The following YWHAQ variants were observed in gnomAD, a reference collection of about 807,000 sequenced individuals.
YWHAQ encodes the protein 14-3-3 protein theta.
YWHAQ carries 6 observed loss-of-function variants against 28.3 expected under a neutral mutation model. That is an observed-to-expected ratio of 0.21 (90% CI 0.12 to 0.42). The LOEUF is 0.42. Among genes scored for constraint, YWHAQ ranks in the 10% least tolerant of loss-of-function variants. The pLI is 1.00. For missense variants in YWHAQ, 201 were observed against 305.6 expected, an observed-to-expected ratio of 0.66 and a Z score of 2.55; for synonymous variants, 143 against 119.1, an observed-to-expected ratio of 1.20 and a Z score of -1.31.
At position 9,602,873 on chromosome 2, in the gene YWHAQ, A is replaced by G. The variant is rs1398957865; in HGVS notation, c.295-11358T>C. On this transcript the variant is annotated intron_variant, in intron 2 of 5. Transcript: ENST00000238081. ...AAAAAAAAAAAAAAAATATATATAT[A>G]TATATATATATATATATATATATAT... Among the ~76,000 whole-genome samples the G allele has an allele frequency of 3.0e-4, 6 of 19,814 alleles. No homozygotes were observed. In the South Asian group the frequency reaches 0.011, roughly 36 times the overall value. 13.0% of individuals were successfully genotyped at this position (19,814 alleles called of 152,430 possible).
rs191089259 is a variant in YWHAQ, at chr2:9,618,575, C to T, written c.294+11584G>A. 1.6e-3 allele frequency among the ~76,000 whole-genome samples: 240 copies of T among 152,142 alleles called. 2 individuals carry two copies. The highest frequency in any genetic ancestry group is 5.5e-3 in the African/African-American group (230 of 41,504). ...AGGCTTGAGTGAAGTGGCAGGAAGACGGATCACTGCAGCCTAAACCTCCTG... is the reference window on the plus strand; with the variant it reads ...AGGCTTGAGTGAAGTGGCAGGAAGATGGATCACTGCAGCCTAAACCTCCTG... On this transcript the variant is annotated intron_variant, in intron 2 of 5. Transcript: ENST00000238081.
chr2:9,624,570 T>G (rs1277016664), intron 2 of YWHAQ, among the ~76,000 whole-genome samples: 4 of 152,026 alleles, frequency 2.6e-5, no homozygotes, highest in Admixed American at 1.3e-4. Flanking sequence ...CACCGCATGA[T>G]GTTTAGTAGC....
At chr2:9,585,887 T>C (rs1190923561) in intron 5 of YWHAQ, among the ~76,000 whole-genome samples, 1 of 139,886 alleles carries the variant, frequency 7.1e-6, no homozygotes, top group Non-Finnish European at 1.5e-5. Flanking sequence ...CACTCCAGCC[T>C]AGGCAACAGG....
intron 2 of YWHAQ, among the ~76,000 whole-genome samples, chr2:9,611,920 T>C (rs753168446): frequency 3.3e-5 from 5 of 152,228 alleles, no homozygotes; most frequent in Non-Finnish European, 7.3e-5. Flanking sequence ...CTACCCGCCT[T>C]GGCCTCCCAA....
intron 2 of YWHAQ, among the ~76,000 whole-genome samples, chr2:9,595,072 T>A (rs1666543780): frequency 6.6e-6 from 1 of 152,204 alleles, no homozygotes; most frequent in Non-Finnish European, 1.5e-5. Context: ...GACTTGGGCA[T>A]TACTTCCATC....
chr2:9,628,487 C>G (rs934114113), intron 2 of YWHAQ, among the ~76,000 whole-genome samples: 2 of 150,690 alleles, frequency 1.3e-5, no homozygotes, highest in African/African-American at 4.8e-5. Context: ...TCACCTTGCT[C>G]GAGAACAAGA....
At chr2:9,604,003 C>CT (rs1479393915) in intron 2 of YWHAQ, among the ~76,000 whole-genome samples, 1 of 152,116 alleles carries the variant, frequency 6.6e-6, no homozygotes, top group Non-Finnish European at 1.5e-5. Flanking sequence ...GATAGCTCCT[C>CT]TAAGTTTTTT....
chr2:9,588,336 G>C lies in YWHAQ; in HGVS notation c.419-8C>G, dbSNP rs1010382306. 4 of 1,602,622 alleles carry C rather than the reference G, an allele frequency of 2.5e-6. No individual in the cohort carries two copies. Among genetic ancestry groups the C allele is most frequent in the African/African-American group, 1.4e-5 (1 of 73,886 alleles). ...GGGAATTATCTATCGTTTCTGTGAA[G>C]AGCGAAAAATAAGAAGTGCAATATT... On this transcript the variant is annotated splice_polypyrimidine_tract_variant and splice_region_variant and intron_variant, in intron 3 of 5. Transcript: ENST00000238081.
At chr2:9,604,117 C>T (rs1212648060) in intron 2 of YWHAQ, among the ~76,000 whole-genome samples, 3 of 152,102 alleles carry the variant, frequency 2.0e-5, no homozygotes, top group Admixed American at 6.5e-5. Flanking sequence ...CAGTGCTACG[C>T]TCCCCACCTG....
rs566288753 is a variant in YWHAQ, at chr2:9,613,190, C to T, written c.294+16969G>A. 3.9e-5 allele frequency among the ~76,000 whole-genome samples: 6 copies of T among 152,238 alleles called. No individual in the cohort carries two copies. The East Asian group carries it at 1.2e-3, about 29-fold the overall frequency. ...TGTTATTGGGCCTTCATATGGAGCA[C>T]TCATTAATGTGAATTTGCTTTTCTG... On this transcript the variant is annotated intron_variant, in intron 2 of 5. Coordinates refer to ENST00000238081, the MANE Select transcript of YWHAQ (RefSeq NM_006826.4).
At chr2:9,619,836 G>C (rs1413888170) in intron 2 of YWHAQ, among the ~76,000 whole-genome samples, 1 of 152,196 alleles carries the variant, frequency 6.6e-6, no homozygotes, top group Non-Finnish European at 1.5e-5. Context: ...ACAGTACCAG[G>C]CTGAAAGATC....
intron 2 of YWHAQ, among the ~76,000 whole-genome samples, chr2:9,606,628 C>A (rs1666835627): frequency 6.6e-6 from 1 of 152,138 alleles, no homozygotes; most frequent in African/African-American, 2.4e-5. Context: ...CACTCAGGTT[C>A]ACGCCATTAT....
chr2:9,600,978 G>C lies in YWHAQ; in HGVS notation c.295-9463C>G, dbSNP rs554643328. On this transcript the variant is annotated intron_variant, in intron 2 of 5. Coordinates refer to ENST00000238081, the MANE Select transcript of YWHAQ (RefSeq NM_006826.4). ...GCTATTGTGCACTTAACAGACTACA[G>C]TATAGTGTAAGCATGACTTTTATAC... 1.2e-3 allele frequency among the ~76,000 whole-genome samples: 182 copies of C among 152,306 alleles called. 1 individual carries two copies. The highest frequency in any genetic ancestry group is 2.0e-3 in the Non-Finnish European group (135 of 68,030).
chr2:9,602,855 AAAAAAAAATATATATATATATATATAT>A (rs1360594766), intron 2 of YWHAQ, among the ~76,000 whole-genome samples: 2 of 14,452 alleles, frequency 1.4e-4, no homozygotes, highest in African/African-American at 6.9e-4. Context: ...AAAAAAAAAA[AAAAAAAAATATATATATATATATATAT>A]ATATATATAT....
In YWHAQ at chr2:9,630,542, G is replaced by C. The variant is rs960447911; in HGVS notation, c.-82-8C>G. ...CGGGAGGAGCCTCGAGAGCTGCGGAGGGGCGGGGCGGCGAGGCGAGAACAA... is the reference window on the plus strand; with the variant it reads ...CGGGAGGAGCCTCGAGAGCTGCGGACGGGCGGGGCGGCGAGGCGAGAACAA... On this transcript the variant is annotated splice_polypyrimidine_tract_variant and splice_region_variant and intron_variant, in intron 1 of 5. Coordinates refer to ENST00000238081, the MANE Select transcript of YWHAQ (RefSeq NM_006826.4). The surrounding 1 kb of genome is among the most constrained non-coding windows in gnomAD (Gnocchi z 5.6). 1.1e-4 allele frequency: 139 copies of C among 1,293,518 alleles called. No homozygotes were observed. The highest frequency in any genetic ancestry group is 1.3e-4 in the Non-Finnish European group (130 of 970,812). 80.1% of individuals were successfully genotyped at this position (1,293,518 alleles called of 1,614,324 possible). A position where few individuals can be genotyped will look rare whatever the true frequency, so the allele number is the denominator to read the frequency against.
intron 2 of YWHAQ, among the ~76,000 whole-genome samples, chr2:9,597,980 G>A (rs186768506): frequency 3.4e-5 from 4 of 117,604 alleles, no homozygotes; most frequent in African/African-American, 8.7e-5. Flanking sequence ...CCACCATGCC[G>A]GGCTATTTTT....
chr2:9,624,434 G>A (rs1002471758), intron 2 of YWHAQ, among the ~76,000 whole-genome samples: 2 of 152,036 alleles, frequency 1.3e-5, no homozygotes, highest in African/African-American at 4.8e-5. Context: ...GAAGCCAAAG[G>A]ACAGCATGAC....
intron 2 of YWHAQ, among the ~76,000 whole-genome samples, chr2:9,610,312 G>A (rs1450975326): frequency 6.6e-6 from 1 of 152,120 alleles, no homozygotes; most frequent in African/African-American, 2.4e-5. Context: ...TTGTATCTCA[G>A]TTTCTTCATC....
intron 2 of YWHAQ, among the ~76,000 whole-genome samples, chr2:9,626,719 C>T (rs1667253952): frequency 1.3e-5 from 2 of 152,238 alleles, no homozygotes; most frequent in Admixed American, 1.3e-4. Flanking sequence ...GCATGAGCCA[C>T]CACATCCAGC....
Sources: gnomAD v4.1 joint callset for allele counts (sites outside exome capture counted in the v4.1 genomes callset) on GRCh38, gnomAD v4.1.1 for gene constraint, Gnocchi (gnomAD v3.1) non-coding constraint, MANE v1.5 for transcripts, NCBI Gene and HGNC (gene_info 2026-07-23, HGNC 2026-07-21) for gene names.